Variants in MAP3K21 observed in about 807,000 individuals in gnomAD.
MAP3K21 encodes mitogen-activated protein kinase kinase kinase MLK4.
A neutral mutation model predicts 86.1 loss-of-function variants in MAP3K21; 63 were observed. That is an observed-to-expected ratio of 0.73 (90% confidence interval 0.60 to 0.90). The LOEUF is 0.90. MAP3K21 is among the 40% of genes least tolerant of loss of function. The pLI is 0.00. For synonymous variants in MAP3K21, 558 were observed against 564.8 expected (o/e 0.99, Z 0.17); for missense variants, 1,220 against 1,367.7 (o/e 0.89, Z 1.70).
intron 5 of MAP3K21, among the ~76,000 whole-genome samples, chr1:233,369,353 G>T (rs781695238): frequency 2.0e-5 from 3 of 152,040 alleles, no homozygotes; most frequent in African/African-American, 7.2e-5. Context: ...TCGCACCATT[G>T]CATTCCAGCC....
intron 4 of MAP3K21, among the ~76,000 whole-genome samples, chr1:233,358,879 G>T (rs141550682): frequency 0.098 from 14,932 of 151,828 alleles, 989 homozygotes; most frequent in Non-Finnish European, 0.14. Flanking sequence ...GTGTGGTCTC[G>T]GCTCACTGCA....
intron 6 of MAP3K21, chr1:233,373,835 G>T (rs35225245): frequency 1.3e-5 from 2 of 152,082 alleles, no homozygotes; most frequent in Non-Finnish European, 2.9e-5. Context: ...TTCACCATCC[G>T]TTTCCGGCCT....
In MAP3K21 at chr1:233,328,001, G is replaced by T. The variant is rs969405645; in HGVS notation, c.-28G>T. On this transcript the variant is annotated 5_prime_UTR_variant, in exon 1 of 10. Transcript: ENST00000366624. The surrounding 1 kb of genome is among the most constrained non-coding windows in gnomAD (Gnocchi z 8.7). ...CCCGGGAGGCTGAGCCCAGCTTCCC[G>T]CTCCGCCTTCCCCGCGCAGCTGCCC... The T allele has an allele frequency of 8.0e-7, 1 of 1,249,832 alleles. No homozygotes were observed. The highest frequency in any genetic ancestry group is 1.0e-6 in the Non-Finnish European group (1 of 998,820). The allele number at this position is 1,249,832 out of a possible 1,614,324, so 77.4% of individuals were successfully genotyped here. A position where few individuals can be genotyped will look rare whatever the true frequency, so the allele number is the denominator to read the frequency against.
chr1:233,372,252 C>A, intron 6 of MAP3K21, 92 bp downstream of exon 6: 1 of 1,499,926 alleles, frequency 6.7e-7, no homozygotes, highest in Non-Finnish European at 9.2e-7. Flanking sequence ...GTTTTCATAG[C>A]AGGTTGTAGA....
At chr1:233,381,454 A>G (rs1190265244) in intron 9 of MAP3K21, among the ~76,000 whole-genome samples, 1 of 152,264 alleles carries the variant, frequency 6.6e-6, no homozygotes, top group Non-Finnish European at 1.5e-5. Flanking sequence ...GGTAATATAT[A>G]CAAAAAATGC....
intron 4 of MAP3K21, among the ~76,000 whole-genome samples, chr1:233,357,832 A>G (rs1224904045): frequency 6.6e-6 from 1 of 152,200 alleles, no homozygotes; most frequent in Non-Finnish European, 1.5e-5. Flanking sequence ...TTCTGGGTGA[A>G]TGCTGCAGGG....
chr1:233,337,797 C>T (rs775116685), intron 1 of MAP3K21, among the ~76,000 whole-genome samples: 5 of 152,102 alleles, frequency 3.3e-5, no homozygotes, highest in African/African-American at 4.8e-5. Flanking sequence ...TTCACTACCA[C>T]GGTTCATTAC....
rs555966831 is a variant in MAP3K21 at position 233,372,110 on chromosome 1, C to T, written c.1625C>T (p.Ser542Phe). The T allele has an allele frequency of 1.2e-5, 20 of 1,614,048 alleles. No individual in the cohort carries two copies. The Admixed American group carries it at 2.0e-4, about 16-fold the overall frequency. Residue 542 changes from serine (S) to phenylalanine (F), a missense_variant, in exon 6 of 10, where the codon TCC becomes TTC. By Grantham distance (155) the Ser-to-Phe change is radical. Coordinates refer to ENST00000366624, the MANE Select transcript of MAP3K21 (RefSeq NM_032435.3). Reference protein sequence around the residue: ...DKRRSLNSSSSSPPSSPTMMP... With the variant: ...DKRRSLNSSSFSPPSSPTMMP... ...CGGCGGAGCCTGAACAGCAGCAGTT[C>T]CAGTCCCCCGAGCAGCCCCACAATG... is the stretch of plus-strand genomic sequence containing the variant.
At chr1:233,343,053 C>G (rs1663069013) in intron 1 of MAP3K21, among the ~76,000 whole-genome samples, 1 of 152,096 alleles carries the variant, frequency 6.6e-6, no homozygotes, top group South Asian at 2.1e-4. Context: ...CTAATAAGCC[C>G]CTACTCAAAT....
rs760071334 is a variant in MAP3K21, at chr1:233,379,012, A to G, written c.2006A>G (p.Tyr669Cys). ...PKQIKLPSQA[Y>C]IDLPLGKDAQ... ...CAAATAAAATTGCCTAGTCAGGCCT[A>G]CATTGATCTACCTCTTGGGAAAGAT... is the stretch of plus-strand genomic sequence containing the variant. The change falls in exon 9 of 10, where the codon TAC becomes TGC. Residue 669 changes from tyrosine to cysteine, a missense_variant. Tyr to Cys is a radical substitution (Grantham distance 194, BLOSUM62 -2). Coordinates refer to ENST00000366624, the MANE Select transcript of MAP3K21 (RefSeq NM_032435.3). 4 of 1,614,200 alleles carry G rather than the reference A, an allele frequency of 2.5e-6. No homozygotes were observed. Among genetic ancestry groups the G allele is most frequent in the Non-Finnish European group, 3.4e-6 (4 of 1,180,010 alleles).
At position 233,328,000 on chromosome 1, in the gene MAP3K21, C is replaced by A; in HGVS notation, c.-29C>A. On this transcript the variant is annotated 5_prime_UTR_variant, in exon 1 of 10. Coordinates refer to ENST00000366624, the MANE Select transcript of MAP3K21 (RefSeq NM_032435.3). ...GCCCGGGAGGCTGAGCCCAGCTTCC[C>A]GCTCCGCCTTCCCCGCGCAGCTGCC... 1 of 1,250,340 alleles carries A rather than the reference C, an allele frequency of 8.0e-7. No homozygotes were observed. The highest frequency in any genetic ancestry group is 3.2e-5 in the South Asian group (1 of 31,328). 77.5% of individuals were successfully genotyped at this position (1,250,340 alleles called of 1,614,324 possible).
At position 233,362,273 on chromosome 1, in the gene MAP3K21, A is replaced by G; in HGVS notation, c.1532A>G (p.His511Arg). 2 of 1,614,224 alleles carry G rather than the reference A, an allele frequency of 1.2e-6. No individual in the cohort carries two copies. The highest frequency in any genetic ancestry group is 1.1e-5 in the South Asian group (1 of 91,082). Reference sequence around the variant, plus strand: ...AGTCGTTTAAAGCTCAAAGATGGACATCGAATCAGTTTACCTTCAGGTATG... The same window carrying G: ...AGTCGTTTAAAGCTCAAAGATGGACGTCGAATCAGTTTACCTTCAGGTATG... ...KRSRLKLKDG[H>R]RISLPSDFQH... The change falls in exon 5 of 10, where the codon CAT becomes CGT. Residue 511 changes from histidine (H) to arginine (R), a missense_variant. Physicochemically the swap from His to Arg is conservative, Grantham distance 29 (BLOSUM62 0). Coordinates refer to ENST00000366624, the MANE Select transcript of MAP3K21 (RefSeq NM_032435.3).
At chr1:233,370,401 A>G (rs896264227) in intron 5 of MAP3K21, among the ~76,000 whole-genome samples, 16 of 152,162 alleles carry the variant, frequency 1.1e-4, no homozygotes, top group African/African-American at 3.6e-4. Flanking sequence ...CTGGAATATA[A>G]ATTTCTCTAC....
At chr1:233,373,721 C>G (rs1222026679) in intron 6 of MAP3K21, 1 of 152,246 alleles carries the variant, frequency 6.6e-6, no homozygotes, top group African/African-American at 2.4e-5. Flanking sequence ...TGAGTGGACC[C>G]TTTTATGATC....
Position 233,327,953 on chromosome 1 carries a change from C to G in MAP3K21, c.-76C>G. 2 of 1,180,748 alleles carry G rather than the reference C, an allele frequency of 1.7e-6. No homozygotes were observed. Among genetic ancestry groups the G allele is most frequent in the Non-Finnish European group, 2.1e-6 (2 of 943,692 alleles). 73.1% of individuals were successfully genotyped at this position (1,180,748 alleles called of 1,614,324 possible). A position where few individuals can be genotyped will look rare whatever the true frequency, so the allele number is the denominator to read the frequency against. On this transcript the variant is annotated 5_prime_UTR_variant, in exon 1 of 10. Transcript: ENST00000366624. ...CCCCCGGCGCCGACGGCCACACCGC[C>G]GGACGATGCGCGCCCGCGGCCGCCC... is the stretch of plus-strand genomic sequence containing the variant.
At position 233,328,219 on chromosome 1, in the gene MAP3K21, T is replaced by G. The variant is rs1007004090; in HGVS notation, c.191T>G (p.Leu64Arg). The G allele has an allele frequency of 1.1e-5, 16 of 1,488,750 alleles. No homozygotes were observed. The African/African-American group carries it at 1.8e-4, about 16-fold the overall frequency. 92.2% of individuals were successfully genotyped at this position (1,488,750 alleles called of 1,614,324 possible). A position where few individuals can be genotyped will look rare whatever the true frequency, so the allele number is the denominator to read the frequency against. Residue 64 changes from leucine (L) to arginine (R), a missense_variant, in exon 1 of 10, where the codon CTG (leucine) becomes CGG (arginine). This residue lies in a region of MAP3K21 where 369 missense variants were observed against 385.3 expected (regional missense o/e 0.96). Coordinates refer to ENST00000366624, the MANE Select transcript of MAP3K21 (RefSeq NM_032435.3). This position sits in a 1 kb window ranked among gnomAD's most constrained non-coding sequence, Gnocchi z 8.7. ...EDELSLRRGQ[L>R]VEVLSQDAAV... ...GAGCTGAGCCTGCGGCGCGGCCAGC[T>G]GGTGGAGGTGCTGTCGCAGGACGCC...
chr1:233,338,363 A>G (rs1398755160), intron 1 of MAP3K21, among the ~76,000 whole-genome samples: 1 of 152,232 alleles, frequency 6.6e-6, no homozygotes, highest in Non-Finnish European at 1.5e-5. Flanking sequence ...GGTATTGTGT[A>G]GTGAACAAAG....
chr1:233,353,716 A>G (rs1663293714), intron 2 of MAP3K21, 91 bp from the exon 3 acceptor site: 2 of 1,222,110 alleles, frequency 1.6e-6, no homozygotes, highest in Non-Finnish European at 2.2e-6. Flanking sequence ...TTAGGAATGG[A>G]TGAAGGTACT....
rs750254699 is a variant in MAP3K21 at position 233,328,565 on chromosome 1, G to A, written c.537G>A (p.Arg179=). 13 of 1,532,756 alleles carry A rather than the reference G, an allele frequency of 8.5e-6. No individual in the cohort carries two copies. The Admixed American group carries it at 2.5e-4, about 30-fold the overall frequency. The allele number at this position is 1,532,756 out of a possible 1,614,324, so 94.9% of individuals were successfully genotyped here. Residue 179 remains arginine (R), a synonymous_variant, in exon 1 of 10, where the codon CGG becomes CGA. Coordinates refer to ENST00000366624, the MANE Select transcript of MAP3K21 (RefSeq NM_032435.3). The surrounding 1 kb of genome is among the most constrained non-coding windows in gnomAD (Gnocchi z 8.7). Reference sequence around the variant, plus strand: ...AGGCTCGGCTCTTCGCCATGCTGCGGCACCCCAACATCATCGAGCTGCGCG... The same window carrying A: ...AGGCTCGGCTCTTCGCCATGCTGCGACACCCCAACATCATCGAGCTGCGCG... The part of the protein sequence containing the change: ...RREARLFAML[R]HPNIIELRGV...
Sources: allele counts gnomAD v4.1 joint callset (sites outside exome capture counted in the v4.1 genomes callset), GRCh38; gene constraint gnomAD v4.1.1; regional missense constraint gnomAD v4.1.1; non-coding constraint Gnocchi (gnomAD v3.1); transcripts MANE v1.5; gene names NCBI Gene and HGNC (gene_info 2026-07-23, HGNC 2026-07-21).